NKAIN2: variants seen among roughly 807,000 people sequenced by gnomAD.
The protein encoded by NKAIN2 is sodium/potassium transporting ATPase interacting 2.
NKAIN2 carries 14 observed loss-of-function variants against 32.6 expected under a neutral mutation model. The ratio of observed to expected loss-of-function variants is 0.43; its 90% confidence interval spans 0.28 to 0.67. The LOEUF (loss-of-function observed/expected upper bound fraction) is 0.67, where lower values mean the gene tolerates loss of function less well. Ranked by LOEUF, NKAIN2 falls within the 30% of genes least tolerant of loss-of-function variation. The pLI, the probability that NKAIN2 is intolerant of heterozygous loss-of-function variation, is 0.17. For synonymous variants in NKAIN2, 80 were observed against 87.2 expected, an observed-to-expected ratio of 0.92 and a Z score of 0.46; for missense variants, 198 against 258.3, an observed-to-expected ratio of 0.77 and a Z score of 1.60.
At chr6:124,617,516 G>T (rs190779811) in intron 3 of NKAIN2, among the ~76,000 whole-genome samples, 53 of 152,132 alleles carry the variant, frequency 3.5e-4, no homozygotes, top group Non-Finnish European at 6.3e-4. Context: ...TTCCTTCCTT[G>T]TAAAATTCTT....
At chr6:124,069,983 C>T (rs554973379) in intron 1 of NKAIN2, among the ~76,000 whole-genome samples, 15 of 152,192 alleles carry the variant, frequency 9.9e-5, no homozygotes, top group African/African-American at 3.6e-4. Context: ...AAATTGTCAC[C>T]GAGCTCTGGT....
intron 1 of NKAIN2, among the ~76,000 whole-genome samples, chr6:123,829,873 T>C (rs1446682160): frequency 1.3e-5 from 2 of 152,220 alleles, no homozygotes; most frequent in Non-Finnish European, 2.9e-5. Flanking sequence ...CCTGGCCTTC[T>C]TTCAGTGTTC....
At chr6:123,930,312 T>C (rs190709476) in intron 1 of NKAIN2, among the ~76,000 whole-genome samples, 1 of 151,970 alleles carries the variant, frequency 6.6e-6, no homozygotes, top group Non-Finnish European at 1.5e-5. Context: ...CAGAGTAGGA[T>C]TTAGTTGGAA....
At chr6:124,373,659 G>A (rs1799866095) in intron 3 of NKAIN2, among the ~76,000 whole-genome samples, 1 of 152,114 alleles carries the variant, frequency 6.6e-6, no homozygotes. Context: ...AGTGCCCAGT[G>A]ACGTAGGAAG....
At chr6:123,968,728 G>A (rs920153446) in intron 1 of NKAIN2, among the ~76,000 whole-genome samples, 6 of 152,172 alleles carry the variant, frequency 3.9e-5, no homozygotes, top group Non-Finnish European at 7.4e-5. Context: ...GTCTGCTTCC[G>A]CTATTCTTTC....
chr6:124,192,065 T>C (rs1790048488), intron 1 of NKAIN2, among the ~76,000 whole-genome samples: 1 of 152,154 alleles, frequency 6.6e-6, no homozygotes, highest in Non-Finnish European at 1.5e-5. Flanking sequence ...GCTTTGATTT[T>C]TTTCCTATGG....
intron 3 of NKAIN2, among the ~76,000 whole-genome samples, chr6:124,449,693 C>T (rs1028618533): frequency 6.6e-6 from 1 of 151,994 alleles, no homozygotes; most frequent in African/African-American, 2.4e-5. Flanking sequence ...TACATTCACA[C>T]ACACACCCAC....
chr6:124,749,299 T>C (rs1777599780), intron 4 of NKAIN2, among the ~76,000 whole-genome samples: 1 of 151,918 alleles, frequency 6.6e-6, no homozygotes, highest in Non-Finnish European at 1.5e-5. Context: ...ACACAGTCCA[T>C]CTGTATAATC....
chr6:124,080,476 A>T (rs946458784), intron 1 of NKAIN2, among the ~76,000 whole-genome samples: 5 of 152,046 alleles, frequency 3.3e-5, no homozygotes, highest in Admixed American at 1.3e-4. Context: ...CATTTTACTA[A>T]TTCTTGCTTG....
intron 4 of NKAIN2, among the ~76,000 whole-genome samples, chr6:124,718,981 C>T (rs879411343): frequency 2.6e-5 from 4 of 151,922 alleles, no homozygotes; most frequent in African/African-American, 7.3e-5. Flanking sequence ...TCATTTCTGT[C>T]GAATGAAGGT....
chr6:124,562,537 G>T (rs891034744), intron 3 of NKAIN2, among the ~76,000 whole-genome samples: 3 of 152,028 alleles, frequency 2.0e-5, no homozygotes, highest in African/African-American at 7.2e-5. Flanking sequence ...GGTTCTCAAA[G>T]AATTTTGGTT....
At chr6:124,554,415 TA>T (rs1205205876) in intron 3 of NKAIN2, among the ~76,000 whole-genome samples, 2 of 152,214 alleles carry the variant, frequency 1.3e-5, no homozygotes, top group African/African-American at 2.4e-5. Flanking sequence ...TCAAAGAGCC[TA>T]AACATATCTA....
At chr6:123,969,584 C>G (rs1340001125) in intron 1 of NKAIN2, among the ~76,000 whole-genome samples, 2 of 152,072 alleles carry the variant, frequency 1.3e-5, no homozygotes, top group Non-Finnish European at 2.9e-5. Flanking sequence ...AAGATGCCTG[C>G]CAGAGCTTCA....
chr6:123,935,431 C>T (rs1382748287), intron 1 of NKAIN2, among the ~76,000 whole-genome samples: 1 of 151,556 alleles, frequency 6.6e-6, no homozygotes, highest in African/African-American at 2.4e-5. Context: ...TCTTACAATA[C>T]ATTAATTAAC....
At chr6:124,331,362 A>C (rs1281766344) in intron 2 of NKAIN2, among the ~76,000 whole-genome samples, 15 of 138,658 alleles carry the variant, frequency 1.1e-4, no homozygotes, top group Non-Finnish European at 2.0e-4. Flanking sequence ...AAAAAAAAAA[A>C]AAAAAAAAAA....
chr6:124,153,422 G>T (rs802251), intron 1 of NKAIN2, among the ~76,000 whole-genome samples: 118,894 of 151,650 alleles, frequency 0.78, 48,061 homozygotes, highest in Non-Finnish European at 0.88. Flanking sequence ...TGATATTTTG[G>T]TTGGAATAGC....
intron 1 of NKAIN2, among the ~76,000 whole-genome samples, chr6:123,920,268 T>C (rs1775688403): frequency 6.6e-6 from 1 of 152,170 alleles, no homozygotes; most frequent in African/African-American, 2.4e-5. Flanking sequence ...ACTTTATTTC[T>C]AGAATGCTGG....
At chr6:124,603,394 A>G (rs1782379956) in intron 3 of NKAIN2, among the ~76,000 whole-genome samples, 1 of 151,860 alleles carries the variant, frequency 6.6e-6, no homozygotes, top group African/African-American at 2.4e-5. Context: ...AAATTCCTGC[A>G]TTTCTATTTT....
At chr6:124,344,662 T>C (rs1413238102) in intron 2 of NKAIN2, among the ~76,000 whole-genome samples, 1 of 152,188 alleles carries the variant, frequency 6.6e-6, no homozygotes, top group East Asian at 1.9e-4. Flanking sequence ...AGAATGCTTG[T>C]GATTTTTGCA....
Sources: gnomAD v4.1 joint callset for allele counts (sites outside exome capture counted in the v4.1 genomes callset) on GRCh38, gnomAD v4.1.1 for gene constraint, MANE v1.5 for transcripts, NCBI Gene and HGNC (gene_info 2026-07-23, HGNC 2026-07-21) for gene names.